Variants in CSMD1 observed in about 807,000 individuals in gnomAD.
The protein encoded by CSMD1 is CUB and sushi domain-containing protein 1.
CSMD1 carries 213 observed loss-of-function variants against 417.5 expected under a neutral mutation model. That is an observed-to-expected ratio of 0.51 (90% CI 0.46 to 0.57). The LOEUF is 0.57. Ranked by LOEUF, CSMD1 falls within the 20% of genes least tolerant of loss-of-function variation. The pLI is 0.00. For missense variants in CSMD1, 6,923 were observed against 4,529.7 expected, an observed-to-expected ratio of 1.53 and a Z score of -15.17; for synonymous variants, 2,862 against 1,736.8, an observed-to-expected ratio of 1.65 and a Z score of -16.11.
intron 1 of CSMD1, among the ~76,000 whole-genome samples, chr8:4,881,720 A>G (rs1316012809): frequency 1.3e-5 from 2 of 151,938 alleles, no homozygotes; most frequent in African/African-American, 2.4e-5. Flanking sequence ...TTTGAATAAA[A>G]AGCATGCAGC....
chr8:3,495,022 T>C (rs770239705), intron 10 of CSMD1, among the ~76,000 whole-genome samples: 6 of 152,164 alleles, frequency 3.9e-5, no homozygotes, highest in Non-Finnish European at 7.4e-5. Context: ...TACTTGAAAT[T>C]CTTACTAAAA....
At chr8:4,609,282 T>C (rs1801044245) in intron 2 of CSMD1, among the ~76,000 whole-genome samples, 1 of 152,064 alleles carries the variant, frequency 6.6e-6, no homozygotes, top group African/African-American at 2.4e-5. Flanking sequence ...GTGCCTTTGG[T>C]CCCAGCTACT....
intron 5 of CSMD1, among the ~76,000 whole-genome samples, chr8:3,901,080 A>G (rs773370009): frequency 9.9e-5 from 15 of 152,210 alleles, no homozygotes; most frequent in Non-Finnish European, 1.8e-4. Context: ...GAAATAATTT[A>G]TAACCTGGAG....
At chr8:4,092,012 T>C (rs928103549) in intron 3 of CSMD1, among the ~76,000 whole-genome samples, 10 of 152,312 alleles carry the variant, frequency 6.6e-5, no homozygotes, top group African/African-American at 2.2e-4. Context: ...TACTTTTACA[T>C]AATATTACGT....
intron 5 of CSMD1, among the ~76,000 whole-genome samples, chr8:3,912,231 G>T (rs999082016): frequency 6.6e-6 from 1 of 152,100 alleles, no homozygotes; most frequent in African/African-American, 2.4e-5. Flanking sequence ...TACTTCTATA[G>T]GGGCATGAAC....
intron 2 of CSMD1, among the ~76,000 whole-genome samples, chr8:4,441,980 A>T (rs988624629): frequency 6.6e-6 from 1 of 152,204 alleles, no homozygotes; most frequent in Non-Finnish European, 1.5e-5. Flanking sequence ...CCGAAAACCA[A>T]ATAATAAAAG....
At chr8:3,474,563 A>C (rs1395254971) in intron 11 of CSMD1, among the ~76,000 whole-genome samples, 3 of 152,184 alleles carry the variant, frequency 2.0e-5, no homozygotes, top group Non-Finnish European at 4.4e-5. Context: ...GTTTAATATT[A>C]GGAGTGTTTT....
At chr8:3,093,396 G>A (rs1301698381) in intron 47 of CSMD1, among the ~76,000 whole-genome samples, 1 of 152,204 alleles carries the variant, frequency 6.6e-6, no homozygotes, top group African/African-American at 2.4e-5. Context: ...GCTAGGCATG[G>A]TGGCTCACAC....
At chr8:3,368,656 G>T (rs982760816) in intron 19 of CSMD1, among the ~76,000 whole-genome samples, 13 of 152,232 alleles carry the variant, frequency 8.5e-5, no homozygotes, top group Non-Finnish European at 1.2e-4. Context: ...GACTCTTAAA[G>T]ATGACACGTT....
At chr8:3,150,080 C>T (rs1488768726) in intron 40 of CSMD1, among the ~76,000 whole-genome samples, 1 of 152,206 alleles carries the variant, frequency 6.6e-6, no homozygotes, top group Non-Finnish European at 1.5e-5. Context: ...CTTGGGAGAA[C>T]AGTGGAAGCA....
chr8:3,638,432 T>G (rs1367592222), intron 7 of CSMD1, among the ~76,000 whole-genome samples: 3 of 151,096 alleles, frequency 2.0e-5, no homozygotes, highest in African/African-American at 7.3e-5. Context: ...CCACCGCAAC[T>G]GCACCCCTCC....
chr8:4,962,096 AGTAT>A (rs1171101673), intron 1 of CSMD1, among the ~76,000 whole-genome samples: 1 of 126,220 alleles, frequency 7.9e-6, no homozygotes, highest in Non-Finnish European at 1.6e-5. Flanking sequence ...CATGCATGTA[AGTAT>A]GTATTTTTTT....
In CSMD1 at chr8:3,201,420, G is replaced by A. The variant is rs768630056; in HGVS notation, c.5098+192C>T. Among the ~76,000 whole-genome samples the A allele has an allele frequency of 3.9e-5, 6 of 152,096 alleles. No homozygotes were observed. The East Asian group carries it at 7.7e-4, about 19-fold the overall frequency. On this transcript the variant is annotated intron_variant, in intron 32 of 69. Coordinates refer to ENST00000635120, the MANE Select transcript of CSMD1 (RefSeq NM_033225.6). ...AATCTTAGTAAGATGATAAAAGCAC[G>A]TGATTTTATGTGTGAGATAAAAACA...
chr8:4,724,734 TAGCTCTTGA>T (rs1809301980), intron 1 of CSMD1, among the ~76,000 whole-genome samples: 1 of 152,148 alleles, frequency 6.6e-6, no homozygotes, highest in African/African-American at 2.4e-5. Flanking sequence ...AATCAACGAT[TAGCTCTTGA>T]AGCATTTATC....
chr8:4,019,861 TCTC>T (rs1796702830), intron 4 of CSMD1, among the ~76,000 whole-genome samples: 2 of 150,804 alleles, frequency 1.3e-5, no homozygotes. Context: ...AAACCATTTC[TCTC>T]CTCAAGTCAG....
intron 3 of CSMD1, among the ~76,000 whole-genome samples, chr8:4,185,727 C>G (rs1434602769): frequency 6.6e-6 from 1 of 152,138 alleles, no homozygotes; most frequent in Non-Finnish European, 1.5e-5. Flanking sequence ...GTCAGATAGA[C>G]TCATGCCTTT....
At chr8:4,663,019 C>G (rs547469137) in intron 1 of CSMD1, among the ~76,000 whole-genome samples, 2 of 152,270 alleles carry the variant, frequency 1.3e-5, no homozygotes, top group East Asian at 3.9e-4. Context: ...TTTGATTTCC[C>G]TGAAAAATCT....
intron 3 of CSMD1, among the ~76,000 whole-genome samples, chr8:4,058,447 G>C (rs1798809027): frequency 6.6e-6 from 1 of 152,054 alleles, no homozygotes; most frequent in Admixed American, 6.6e-5. Flanking sequence ...GGGACAATGG[G>C]GTTTTCCAGA....
chr8:4,899,417 A>C (rs554641126), intron 1 of CSMD1, among the ~76,000 whole-genome samples: 50 of 152,336 alleles, frequency 3.3e-4, no homozygotes, highest in Admixed American at 1.4e-3. Flanking sequence ...TACTTCTCCC[A>C]GGAAGTATTT....
Sources: gnomAD v4.1 joint callset for allele counts (sites outside exome capture counted in the v4.1 genomes callset) on GRCh38, gnomAD v4.1.1 for gene constraint, MANE v1.5 for transcripts, NCBI Gene and HGNC (gene_info 2026-07-23, HGNC 2026-07-21) for gene names.